NRXN1: variants seen among roughly 807,000 people sequenced by gnomAD.
The protein encoded by NRXN1 is neurexin-1.
NRXN1 carries 39 observed loss-of-function variants against 150.9 expected under a neutral mutation model. The observed-to-expected ratio is 0.26, with a 90% CI of 0.20 to 0.34. The LOEUF (loss-of-function observed/expected upper bound fraction) is 0.34. Ranked by LOEUF, NRXN1 falls within the 10% of genes least tolerant of loss-of-function variation. The pLI is 1.00. For missense variants in NRXN1, 1,815 were observed against 1,949.9 expected (o/e 0.93, Z 1.30); for synonymous variants, 924 against 757.0 (o/e 1.22, Z -3.62).
intron 18 of NRXN1, among the ~76,000 whole-genome samples, chr2:50,180,300 C>T (rs2060625426): frequency 6.6e-6 from 1 of 152,106 alleles, no homozygotes. Flanking sequence ...TCTGGGATTA[C>T]AGGGGTGAGC....
At chr2:50,013,892 C>A (rs1191053222) in intron 21 of NRXN1, among the ~76,000 whole-genome samples, 1 of 152,016 alleles carries the variant, frequency 6.6e-6, no homozygotes, top group Non-Finnish European at 1.5e-5. Flanking sequence ...GAATGCCTGA[C>A]AATGGGGGAG....
intron 5 of NRXN1, among the ~76,000 whole-genome samples, chr2:50,832,853 A>G (rs369144014): frequency 2.2e-4 from 33 of 152,344 alleles, no homozygotes; most frequent in African/African-American, 7.5e-4. Context: ...GCTAAACATC[A>G]TCAAAATTAA....
intron 18 of NRXN1, among the ~76,000 whole-genome samples, chr2:50,122,196 G>C (rs1558923500): frequency 6.6e-6 from 1 of 152,122 alleles, no homozygotes; most frequent in Non-Finnish European, 1.5e-5. Context: ...TTGTTGAAAA[G>C]CATCTTTCTT....
chr2:50,000,666 A>G (rs1441790269), intron 21 of NRXN1, among the ~76,000 whole-genome samples: 1 of 152,200 alleles, frequency 6.6e-6, no homozygotes, highest in Non-Finnish European at 1.5e-5. Context: ...ACTCTAGATA[A>G]TAGTCCCAGA....
intron 5 of NRXN1, among the ~76,000 whole-genome samples, chr2:50,661,033 T>C (rs1018803353): frequency 4.6e-5 from 7 of 152,112 alleles, no homozygotes; most frequent in African/African-American, 1.7e-4. Flanking sequence ...CTCATCTAGG[T>C]TCATGACTAG....
At chr2:50,159,828 T>G (rs76559474) in intron 18 of NRXN1, among the ~76,000 whole-genome samples, 19 of 152,156 alleles carry the variant, frequency 1.2e-4, no homozygotes, top group Non-Finnish European at 2.4e-4. Flanking sequence ...CAAGTTATTA[T>G]TTAATAATAC....
intron 8 of NRXN1, among the ~76,000 whole-genome samples, chr2:50,609,602 C>A (rs1677695280): frequency 6.6e-6 from 1 of 152,092 alleles, no homozygotes; most frequent in Non-Finnish European, 1.5e-5. Flanking sequence ...GGTGATACAA[C>A]TACCAAGTTT....
At position 49,928,348 on chromosome 2, in the gene NRXN1, T is replaced by G. The variant is rs139708850; in HGVS notation, c.4217-6097A>C. On this transcript the variant is annotated intron_variant, in intron 22 of 22. Transcript: ENST00000401669. ...CAGTCTTTCTGGTTTTCTCATAAATTAAGCTTAAAGTAATAGATTTTAAAT... is the reference window on the plus strand; with the variant it reads ...CAGTCTTTCTGGTTTTCTCATAAATGAAGCTTAAAGTAATAGATTTTAAAT... Among the ~76,000 whole-genome samples, 658 of 152,150 alleles carry G rather than the reference T, an allele frequency of 4.3e-3. 2 individuals are homozygous for G. The highest frequency in any genetic ancestry group is 7.2e-3 in the Non-Finnish European group (492 of 67,984).
intron 17 of NRXN1, among the ~76,000 whole-genome samples, chr2:50,443,298 T>C (rs185389739): frequency 1.3e-5 from 2 of 152,322 alleles, no homozygotes; most frequent in East Asian, 3.9e-4. Flanking sequence ...AAATACAGTA[T>C]ATGAAGAAGA....
intron 22 of NRXN1, among the ~76,000 whole-genome samples, chr2:49,933,263 T>G (rs535925059): frequency 2.6e-5 from 4 of 152,116 alleles, no homozygotes; most frequent in African/African-American, 9.6e-5. Context: ...ATTTTTTGAA[T>G]TTTTGGTAGA....
At chr2:50,734,309 G>A (rs992886375) in intron 5 of NRXN1, among the ~76,000 whole-genome samples, 4 of 152,106 alleles carry the variant, frequency 2.6e-5, no homozygotes, top group Non-Finnish European at 5.9e-5. Context: ...CAACAGAATG[G>A]TGCATGCTAG....
chr2:50,478,371 AAACTATAC>A (rs2090163408), intron 15 of NRXN1, among the ~76,000 whole-genome samples: 1 of 152,206 alleles, frequency 6.6e-6, no homozygotes, highest in Non-Finnish European at 1.5e-5. Flanking sequence ...TGAACAATGA[AAACTATAC>A]AAGATCATTT....
intron 5 of NRXN1, among the ~76,000 whole-genome samples, chr2:50,872,542 G>A (rs185738393): frequency 2.6e-5 from 4 of 151,790 alleles, no homozygotes; most frequent in East Asian, 2.0e-4. Flanking sequence ...AGAGGTTGAC[G>A]GGGCTACCAT....
intron 21 of NRXN1, among the ~76,000 whole-genome samples, chr2:50,009,293 A>C (rs1463669601): frequency 6.6e-6 from 1 of 152,162 alleles, no homozygotes; most frequent in Non-Finnish European, 1.5e-5. Context: ...CACTAAATGC[A>C]CTAAGCATAG....
rs545989772 is a variant in NRXN1, at chr2:50,666,395, T to TA, written c.833-42781dup. Among the ~76,000 whole-genome samples the TA allele has an allele frequency of 1.5e-4, 23 of 152,094 alleles. No individual in the cohort carries two copies. In the East Asian group the frequency reaches 3.9e-3, roughly 26 times the overall value. ...TTTTCTTTCATTTCTCTTAAACAAT[T>TA]ACTGGGGAGTATAATGGCTAGATTA... On this transcript the variant is annotated intron_variant, in intron 5 of 22. Transcript: ENST00000401669.
At chr2:50,060,153 C>T (rs1379123847) in intron 19 of NRXN1, among the ~76,000 whole-genome samples, 2 of 152,164 alleles carry the variant, frequency 1.3e-5, no homozygotes, top group Middle Eastern at 3.2e-3. Context: ...AGCGGCTGTA[C>T]CCTGCAAAGC....
intron 5 of NRXN1, among the ~76,000 whole-genome samples, chr2:50,637,185 G>C (rs995603091): frequency 6.6e-6 from 1 of 152,042 alleles, no homozygotes; most frequent in African/African-American, 2.4e-5. Flanking sequence ...AAAAAATTAA[G>C]ATCTTTAATA....
chr2:50,362,768 A>C (rs571060477), intron 17 of NRXN1, among the ~76,000 whole-genome samples: 32 of 152,350 alleles, frequency 2.1e-4, no homozygotes, highest in African/African-American at 7.7e-4. Context: ...GGAATAAAAA[A>C]GTACCCCGTA....
chr2:51,024,358 GT>G (rs928463317), intron 2 of NRXN1, among the ~76,000 whole-genome samples: 96 of 150,918 alleles, frequency 6.4e-4, no homozygotes, highest in South Asian at 1.9e-3. Flanking sequence ...CCATTTTTAC[GT>G]TTTTTTTTCC....
Sources: gnomAD v4.1 joint callset for allele counts (sites outside exome capture counted in the v4.1 genomes callset) on GRCh38, gnomAD v4.1.1 for gene constraint, MANE v1.5 for transcripts, NCBI Gene and HGNC (gene_info 2026-07-23, HGNC 2026-07-21) for gene names.